The following MLIP variants were observed in gnomAD, a reference collection of about 807,000 sequenced individuals.
MLIP encodes muscular LMNA-interacting protein.
A neutral mutation model predicts 84.8 loss-of-function variants in MLIP; 79 were observed. The ratio of observed to expected loss-of-function variants is 0.93; its 90% CI spans 0.78 to 1.12. MLIP has a LOEUF of 1.12. MLIP is among the 50% of genes most tolerant of loss of function. MLIP has a pLI of 0.00. For synonymous variants in MLIP, 504 were observed against 463.0 expected (o/e 1.09, Z -1.14); for missense variants, 1,257 against 1,160.6 (o/e 1.08, Z -1.21).
chr6:54,040,185 G>A (rs1248120354), intron 1 of MLIP, among the ~76,000 whole-genome samples: 3 of 151,888 alleles, frequency 2.0e-5, no homozygotes, highest in African/African-American at 7.3e-5. Context: ...ATTATTTTAG[G>A]TACTGAGGAT....
intron 9 of MLIP, among the ~76,000 whole-genome samples, chr6:54,180,463 C>G (rs1776738167): frequency 6.6e-6 from 1 of 152,158 alleles, no homozygotes; most frequent in Admixed American, 6.5e-5. Flanking sequence ...AGGCCAATAA[C>G]TCTTTGATTT....
At chr6:54,152,481 G>A (rs1181358507) in intron 5 of MLIP, among the ~76,000 whole-genome samples, 1 of 152,088 alleles carries the variant, frequency 6.6e-6, no homozygotes, top group Admixed American at 6.6e-5. Flanking sequence ...AAGAGAAAAT[G>A]AGGAAGAAGC....
chr6:54,044,876 A>G (rs184109749), intron 1 of MLIP, among the ~76,000 whole-genome samples: 8 of 152,342 alleles, frequency 5.3e-5, no homozygotes, highest in African/African-American at 1.9e-4. Flanking sequence ...GATGAAACAT[A>G]TCAGTTTGCT....
chr6:54,196,773 C>A (rs1448546510), intron 10 of MLIP, among the ~76,000 whole-genome samples: 1 of 151,996 alleles, frequency 6.6e-6, no homozygotes, highest in Admixed American at 6.6e-5. Context: ...AGTGAATAAA[C>A]CGAAGATCTC....
At chr6:54,125,789 GTAGTT>G (rs1217477384) in intron 3 of MLIP, among the ~76,000 whole-genome samples, 1 of 152,096 alleles carries the variant, frequency 6.6e-6, no homozygotes, top group African/African-American at 2.4e-5. Flanking sequence ...TCAACCCAAA[GTAGTT>G]TAAAGGACAT....
At chr6:54,206,669 A>G (rs913407037) in intron 11 of MLIP, among the ~76,000 whole-genome samples, 1 of 152,130 alleles carries the variant, frequency 6.6e-6, no homozygotes, top group African/African-American at 2.4e-5. Flanking sequence ...TTTCCCTACC[A>G]AAATGACTAT....
At chr6:54,162,396 G>A (rs1774735859) in intron 8 of MLIP, among the ~76,000 whole-genome samples, 1 of 152,038 alleles carries the variant, frequency 6.6e-6, no homozygotes, top group African/African-American at 2.4e-5. Context: ...AAATGATGTT[G>A]AGAAACTGGG....
chr6:54,215,066 C>A, intron 11 of MLIP: 1 of 1,114,032 alleles, frequency 9.0e-7, no homozygotes, highest in Non-Finnish European at 1.3e-6. Flanking sequence ...TGGTCTCTGC[C>A]TTTTTGCTCC....
chr6:54,231,468 C>A (rs1008690833), intron 12 of MLIP, among the ~76,000 whole-genome samples: 1 of 80,756 alleles, frequency 1.2e-5, no homozygotes, highest in Non-Finnish European at 3.7e-5. Context: ...TGTGTGTGTG[C>A]GTGTGTGTGC....
At chr6:54,196,556 G>C (rs1181057376) in intron 10 of MLIP, among the ~76,000 whole-genome samples, 1 of 152,000 alleles carries the variant, frequency 6.6e-6, no homozygotes, top group African/African-American at 2.4e-5. Context: ...TGGTGTATAT[G>C]TACCACATTT....
intron 12 of MLIP, among the ~76,000 whole-genome samples, chr6:54,237,593 C>T (rs1049812592): frequency 6.6e-6 from 1 of 151,264 alleles, no homozygotes; most frequent in Non-Finnish European, 1.5e-5. Flanking sequence ...TGCCTGTAAT[C>T]CCAACACTTT....
At chr6:54,046,335 A>G (rs928933164) in intron 1 of MLIP, 3 of 151,604 alleles carry the variant, frequency 2.0e-5, no homozygotes, top group South Asian at 2.1e-4. Flanking sequence ...TTATAATTTA[A>G]TACATTGTCA....
intron 11 of MLIP, among the ~76,000 whole-genome samples, chr6:54,212,341 T>G (rs1779514874): frequency 6.6e-6 from 1 of 152,204 alleles, no homozygotes; most frequent in Admixed American, 6.5e-5. Flanking sequence ...CCTTGTATCC[T>G]GAAATTCTGT....
At chr6:54,083,301 C>T in intron 1 of MLIP, 1 of 452,448 alleles carries the variant, frequency 2.2e-6, no homozygotes, top group Non-Finnish European at 3.6e-6. Flanking sequence ...AATTTCCAGG[C>T]AAAGAGTTTC....
Position 54,202,219 on chromosome 6 carries a change from C to A in MLIP, c.2704C>A (p.Leu902Ile). The A allele has an allele frequency of 6.4e-7, 1 of 1,572,184 alleles. No homozygotes were observed. The highest frequency in any genetic ancestry group is 8.6e-7 in the Non-Finnish European group (1 of 1,159,462). Residue 902 changes from leucine (L) to isoleucine (I), a missense_variant, in exon 11 of 14, where the codon CTC becomes ATC. Leu to Ile is a conservative substitution (Grantham distance 5). Transcript: ENST00000502396. Reference sequence around the variant, plus strand: ...TAAATACTTGGAAGATAACAGCGACCTCTTTTCTGAACAGGTGAGCACATA... The same window carrying A: ...TAAATACTTGGAAGATAACAGCGACATCTTTTCTGAACAGGTGAGCACATA... ...FSKYLEDNSD[L>I]FSEQDVTVPP...
intron 4 of MLIP, among the ~76,000 whole-genome samples, chr6:54,147,901 CAG>C (rs764132206): frequency 5.9e-5 from 9 of 152,054 alleles, no homozygotes; most frequent in Non-Finnish European, 1.2e-4. Flanking sequence ...AGAAAGAAAA[CAG>C]TGAAAAAGAG....
intron 9 of MLIP, among the ~76,000 whole-genome samples, chr6:54,176,024 T>A (rs908526011): frequency 6.6e-6 from 1 of 152,126 alleles, no homozygotes; most frequent in African/African-American, 2.4e-5. Context: ...ATATGACATA[T>A]CACATTGATT....
chr6:54,075,107 C>T (rs111557939), intron 1 of MLIP, among the ~76,000 whole-genome samples: 13 of 151,924 alleles, frequency 8.6e-5, no homozygotes, highest in African/African-American at 2.9e-4. Context: ...ATTAGCATGG[C>T]GTGGTGGCAC....
chr6:54,230,772 ATCC>A lies in MLIP; in HGVS notation c.2782_2784del (p.Pro928del), dbSNP rs1780940260. On this transcript the variant is annotated inframe_deletion, in exon 12 of 14. Transcript: ENST00000502396. Reference sequence around the variant, plus strand: ...CATCCTTTATATCAGACTAAACTCTATCCTCCTGCTAAGTCACTGCTGCATCCA... The same window carrying A: ...CATCCTTTATATCAGACTAAACTCTATCCTGCTAAGTCACTGCTGCATCCA... The A allele has an allele frequency of 6.2e-7, 1 of 1,614,080 alleles. No individual in the cohort carries two copies. Among genetic ancestry groups the A allele is most frequent in the Non-Finnish European group, 8.5e-7 (1 of 1,179,996 alleles).
Sources: allele counts gnomAD v4.1 joint callset (sites outside exome capture counted in the v4.1 genomes callset), GRCh38; gene constraint gnomAD v4.1.1; transcripts MANE v1.5; gene names NCBI Gene and HGNC (gene_info 2026-07-23, HGNC 2026-07-21).